ADCY8: variants seen among roughly 807,000 people sequenced by gnomAD.
ADCY8 encodes the protein adenylate cyclase 8.
A neutral mutation model predicts 119.7 loss-of-function variants in ADCY8; 51 were observed. The observed-to-expected ratio is 0.43, with a 90% confidence interval of 0.34 to 0.54. The LOEUF is 0.54. Among genes scored for constraint, ADCY8 ranks in the 20% least tolerant of loss-of-function variants. The pLI is 0.03. For synonymous variants in ADCY8, 665 were observed against 651.0 expected (o/e 1.02, Z -0.33); for missense variants, 1,383 against 1,598.8 (o/e 0.87, Z 2.30).
intron 5 of ADCY8, among the ~76,000 whole-genome samples, chr8:130,923,374 T>C (rs1820372773): frequency 6.6e-6 from 1 of 152,182 alleles, no homozygotes; most frequent in South Asian, 2.1e-4. Context: ...AAAAACAATA[T>C]AATTTCTGTT....
At chr8:130,922,259 G>C (rs555536633) in intron 5 of ADCY8, among the ~76,000 whole-genome samples, 1,716 of 150,144 alleles carry the variant, frequency 0.011, 38 homozygotes, top group African/African-American at 0.04. Context: ...TCTCACAGAG[G>C]GGGATTTGGC....
At chr8:130,938,547 T>C (rs1402374690) in intron 4 of ADCY8, among the ~76,000 whole-genome samples, 3 of 152,056 alleles carry the variant, frequency 2.0e-5, no homozygotes, top group African/African-American at 7.2e-5. Flanking sequence ...GAGTTATTGA[T>C]AAAAAGTACC....
chr8:130,948,893 G>A (rs1193792865), intron 3 of ADCY8, among the ~76,000 whole-genome samples: 1 of 152,064 alleles, frequency 6.6e-6, no homozygotes, highest in African/African-American at 2.4e-5. Flanking sequence ...CAGTGGGCAG[G>A]AGACGCCCCG....
At chr8:131,006,960 C>A (rs1823139023) in intron 1 of ADCY8, among the ~76,000 whole-genome samples, 1 of 152,104 alleles carries the variant, frequency 6.6e-6, no homozygotes, top group African/African-American at 2.4e-5. Context: ...GTATATGATT[C>A]TTTGCTTATT....
At chr8:130,881,980 G>A (rs1404219083) in intron 8 of ADCY8, among the ~76,000 whole-genome samples, 1 of 151,882 alleles carries the variant, frequency 6.6e-6, no homozygotes, top group Non-Finnish European at 1.5e-5. Context: ...AGGCATATGG[G>A]TTTCCTCACT....
At chr8:131,004,580 G>T (rs993293145) in intron 1 of ADCY8, among the ~76,000 whole-genome samples, 24 of 152,180 alleles carry the variant, frequency 1.6e-4, no homozygotes, top group African/African-American at 5.8e-4. Context: ...GTTAGCCCCA[G>T]TGCTTTGCAC....
At position 130,814,113 on chromosome 8, in the gene ADCY8, T is replaced by G. The variant is rs756926881; in HGVS notation, c.2869A>C (p.Ser957Arg). 1.9e-6 allele frequency: 3 copies of G among 1,613,978 alleles called. No homozygotes were observed. In the African/African-American group the frequency reaches 4.0e-5, roughly 22 times the overall value. ...NENMLRNILP[S>R]HVARHFLEKD... is the part of the protein sequence containing the mutation. ...TCTAGGAAATGGCGGGCCACATGGC[T>G]GGGTAAGATATTCCGGAGCATGTTC... Residue 957 changes from serine (S) to arginine (R), a missense_variant, in exon 14 of 18, where the codon AGC becomes CGC. Transcript: ENST00000286355.
At chr8:130,813,612 C>T (rs1816239764) in intron 14 of ADCY8, among the ~76,000 whole-genome samples, 1 of 152,162 alleles carries the variant, frequency 6.6e-6, no homozygotes, top group African/African-American at 2.4e-5. Context: ...GTATATATCA[C>T]ATTTTGTTTA....
chr8:130,911,808 T>C (rs1272805994), intron 5 of ADCY8, among the ~76,000 whole-genome samples: 2 of 151,314 alleles, frequency 1.3e-5, no homozygotes, highest in East Asian at 1.9e-4. Context: ...TTATTAGATA[T>C]GCATATCTTC....
At chr8:131,020,830 C>T (rs1823642831) in intron 1 of ADCY8, among the ~76,000 whole-genome samples, 1 of 152,152 alleles carries the variant, frequency 6.6e-6, no homozygotes, top group Admixed American at 6.6e-5. Context: ...AGGAAGGTAT[C>T]AGTTTCTTCC....
intron 2 of ADCY8, among the ~76,000 whole-genome samples, chr8:130,965,815 A>G (rs1443006015): frequency 6.6e-6 from 1 of 152,178 alleles, no homozygotes; most frequent in Non-Finnish European, 1.5e-5. Flanking sequence ...ATAATTTTTC[A>G]TAATTCTTCA....
chr8:130,884,547 TG>T lies in ADCY8; in HGVS notation c.2109+16del, dbSNP rs1563711827. The T allele has an allele frequency of 6.2e-7, 1 of 1,613,182 alleles. No homozygotes were observed. Among genetic ancestry groups the T allele is most frequent in the African/African-American group, 1.3e-5 (1 of 75,016 alleles). ...AATTTACTCAGAAAAAGAGCCGCTG[TG>T]GAGACCCAGCTCTACCTTGTGCTCC... On this transcript the variant is annotated intron_variant, in intron 8 of 17. Transcript: ENST00000286355.
chr8:131,004,235 G>T (rs954073678), intron 1 of ADCY8, among the ~76,000 whole-genome samples: 1 of 152,132 alleles, frequency 6.6e-6, no homozygotes, highest in Non-Finnish European at 1.5e-5. Flanking sequence ...CAGCAAGCCT[G>T]AACTTCACAG....
At chr8:130,995,593 A>G (rs1822747706) in intron 1 of ADCY8, among the ~76,000 whole-genome samples, 1 of 151,848 alleles carries the variant, frequency 6.6e-6, no homozygotes, top group Admixed American at 6.6e-5. Context: ...GTTACTTTCC[A>G]TTCCTTCATT....
At chr8:130,849,499 A>C in intron 10 of ADCY8, 103 bp downstream of exon 10, 1 of 1,173,962 alleles carries the variant, frequency 8.5e-7, no homozygotes, top group Non-Finnish European at 1.2e-6. Context: ...ACATAAAGGT[A>C]ACTGGTACCA....
intron 12 of ADCY8, among the ~76,000 whole-genome samples, chr8:130,822,032 A>G (rs901334074): frequency 2.0e-5 from 3 of 152,208 alleles, no homozygotes; most frequent in Admixed American, 6.5e-5. Flanking sequence ...ATTATTGAGC[A>G]TCTACTGTGT....
intron 8 of ADCY8, among the ~76,000 whole-genome samples, chr8:130,881,186 G>T (rs1019053121): frequency 6.6e-6 from 1 of 152,118 alleles, no homozygotes; most frequent in Non-Finnish European, 1.5e-5. Flanking sequence ...ACAGCTACAG[G>T]GGGTGAGGCA....
chr8:130,891,654 A>T (rs562803847), intron 7 of ADCY8, among the ~76,000 whole-genome samples: 1 of 152,068 alleles, frequency 6.6e-6, no homozygotes, highest in Non-Finnish European at 1.5e-5. Flanking sequence ...AAATGGCACA[A>T]TTTTTTTCCC....
intron 2 of ADCY8, among the ~76,000 whole-genome samples, chr8:130,983,532 G>A (rs983611311): frequency 6.6e-6 from 1 of 152,130 alleles, no homozygotes; most frequent in Non-Finnish European, 1.5e-5. Context: ...ATAGACGTGC[G>A]GGGCATCTTT....
Sources: gnomAD v4.1 joint callset for allele counts (sites outside exome capture counted in the v4.1 genomes callset) on GRCh38, gnomAD v4.1.1 for gene constraint, MANE v1.5 for transcripts, NCBI Gene and HGNC (gene_info 2026-07-23, HGNC 2026-07-21) for gene names.